NOS1: variants seen among roughly 807,000 people sequenced by gnomAD.
NOS1 encodes NOS type I.
A neutral mutation model predicts 164.5 loss-of-function variants in NOS1; 51 were observed. The ratio of observed to expected loss-of-function variants is 0.31; its 90% CI spans 0.25 to 0.39. The LOEUF (loss-of-function observed/expected upper bound fraction) is 0.39, where lower values mean the gene tolerates loss of function less well. Ranked by LOEUF, NOS1 falls within the 10% of genes least tolerant of loss-of-function variation. NOS1 has a pLI of 1.00. For missense variants in NOS1, 1,362 were observed against 1,885.6 expected (o/e 0.72, Z 5.14); for synonymous variants, 719 against 745.8 (o/e 0.96, Z 0.59).
intron 1 of NOS1, among the ~76,000 whole-genome samples, chr12:117,351,289 T>C (rs1283223989): frequency 1.3e-5 from 2 of 152,134 alleles, no homozygotes; most frequent in South Asian, 4.1e-4. Flanking sequence ...CTTCTGAGTA[T>C]AGCTTCTACA....
In NOS1 at chr12:117,268,027, C is replaced by A. The variant is rs907212732; in HGVS notation, c.1941+16G>T. On this transcript the variant is annotated intron_variant, in intron 11 of 28. Transcript: ENST00000317775. ...CATTTGAAGCTTGACCCTGGTGGTG[C>A]GGGCCCTGGTGTTACCTGGAAGCTA... The A allele has an allele frequency of 2.5e-6, 4 of 1,569,104 alleles. No individual in the cohort carries two copies. Among genetic ancestry groups the A allele is most frequent in the Non-Finnish European group, 1.8e-6 (2 of 1,140,300 alleles).
At chr12:117,319,232 T>C (rs1484151029) in intron 2 of NOS1, among the ~76,000 whole-genome samples, 4 of 151,976 alleles carry the variant, frequency 2.6e-5, no homozygotes, top group Non-Finnish European at 1.5e-5. Context: ...TTAAAATTTT[T>C]TGTAGAGATG....
intron 28 of NOS1, among the ~76,000 whole-genome samples, chr12:117,217,414 C>T (rs1436950750): frequency 1.3e-5 from 2 of 152,052 alleles, no homozygotes; most frequent in Admixed American, 1.3e-4. Context: ...GTAGAAATGT[C>T]ACAACTCCGG....
In NOS1 at chr12:117,293,313, G is replaced by C. The variant is rs868689186; in HGVS notation, c.853-2887C>G. Among the ~76,000 whole-genome samples, 3 of 152,282 alleles carry C rather than the reference G, an allele frequency of 2.0e-5. No homozygotes were observed. The South Asian group carries it at 6.2e-4, about 32-fold the overall frequency. ...CCCTCGCCAGATCTGGTCCTCCTCAGTGCCGGGCGCTACCAACCATCTGTG... is the reference window on the plus strand; with the variant it reads ...CCCTCGCCAGATCTGGTCCTCCTCACTGCCGGGCGCTACCAACCATCTGTG... On this transcript the variant is annotated intron_variant, in intron 3 of 28. Transcript: ENST00000317775.
At position 117,359,930 on chromosome 12, in the gene NOS1, A is replaced by C. The variant is rs1200094670; in HGVS notation, c.-421+1582T>G. Among the ~76,000 whole-genome samples the C allele has an allele frequency of 7.8e-5, 7 of 90,182 alleles. 2 individuals carry two copies. Among genetic ancestry groups the C allele is most frequent in the African/African-American group, 2.3e-4 (5 of 21,950 alleles). 59.2% of individuals were successfully genotyped at this position (90,182 alleles called of 152,430 possible). On this transcript the variant is annotated intron_variant, in intron 1 of 28. Transcript: ENST00000317775. ...TATATATATATATATATATATATAT[A>C]TATATCAGCAACACTTCCTGCGTTA... is the stretch of plus-strand genomic sequence containing the variant.
At chr12:117,236,620 T>G (rs1055580888) in intron 20 of NOS1, among the ~76,000 whole-genome samples, 2 of 151,882 alleles carry the variant, frequency 1.3e-5, no homozygotes, top group African/African-American at 4.8e-5. Flanking sequence ...AGACAACACC[T>G]CCAGAGAGCT....
intron 18 of NOS1, chr12:117,245,666 C>T (rs1870561209): frequency 6.6e-6 from 1 of 152,274 alleles, no homozygotes; most frequent in South Asian, 2.1e-4. Flanking sequence ...ACCTGTAATC[C>T]CAGCACTTTG....
At chr12:117,322,717 C>A in intron 2 of NOS1, among the ~76,000 whole-genome samples, 1 of 139,820 alleles carries the variant, frequency 7.2e-6, no homozygotes, top group Non-Finnish European at 1.6e-5. Flanking sequence ...TTCCTTTCAT[C>A]TCTCCTTCCC....
At chr12:117,359,876 T>TTTTTTA (rs1566090779) in intron 1 of NOS1, among the ~76,000 whole-genome samples, 1 of 36,952 alleles carries the variant, frequency 2.7e-5, no homozygotes, top group African/African-American at 8.6e-5. Flanking sequence ...AATAATGGTT[T>TTTTTTA]TATATATATA....
At chr12:117,315,823 T>G (rs1874644057) in intron 2 of NOS1, among the ~76,000 whole-genome samples, 1 of 152,214 alleles carries the variant, frequency 6.6e-6, no homozygotes, top group African/African-American at 2.4e-5. Context: ...CTGCAATGAT[T>G]AAGGGAGGTA....
intron 20 of NOS1, among the ~76,000 whole-genome samples, chr12:117,238,922 T>C (rs184652912): frequency 6.6e-6 from 1 of 152,328 alleles, no homozygotes; most frequent in African/African-American, 2.4e-5. Context: ...CGGAAAATGA[T>C]GTTTTTAGAC....
At chr12:117,357,166 T>C (rs1876893252) in intron 1 of NOS1, among the ~76,000 whole-genome samples, 1 of 152,026 alleles carries the variant, frequency 6.6e-6, no homozygotes, top group African/African-American at 2.4e-5. Flanking sequence ...CTACAAAAAA[T>C]ACAAAAATTA....
intron 2 of NOS1, among the ~76,000 whole-genome samples, chr12:117,329,628 C>G (rs1217450726): frequency 1.3e-5 from 2 of 152,140 alleles, no homozygotes; most frequent in Non-Finnish European, 1.5e-5. Context: ...ATAGAAGGAG[C>G]TAGCATCACC....
chr12:117,294,721 C>G (rs1488430031), intron 3 of NOS1, among the ~76,000 whole-genome samples: 2 of 152,156 alleles, frequency 1.3e-5, no homozygotes, highest in Non-Finnish European at 2.9e-5. Flanking sequence ...GCACAGGGCA[C>G]AAGTGGGCTT....
intron 2 of NOS1, among the ~76,000 whole-genome samples, chr12:117,328,784 T>C (rs1368323246): frequency 1.3e-5 from 2 of 152,250 alleles, no homozygotes; most frequent in Admixed American, 1.3e-4. Context: ...CAGACGGTCA[T>C]GCATCGCTTA....
chr12:117,213,924 G>T lies in NOS1; in HGVS notation c.*1385C>A. Reference sequence around the variant, plus strand: ...TGCCTCTTAGGGAGGAATTACACCGGCTCCAATTCCTACCGAAGACTTGGC... The same window carrying T: ...TGCCTCTTAGGGAGGAATTACACCGTCTCCAATTCCTACCGAAGACTTGGC... On this transcript the variant is annotated 3_prime_UTR_variant, in exon 29 of 29. Transcript: ENST00000317775. 2.0e-6 allele frequency: 2 copies of T among 985,402 alleles called. No individual in the cohort carries two copies. The highest frequency in any genetic ancestry group is 2.4e-6 in the Non-Finnish European group (2 of 829,920). The allele number at this position is 985,402 out of a possible 1,614,324, so 61.0% of individuals were successfully genotyped here. A position where few individuals can be genotyped will look rare whatever the true frequency, so the allele number is the denominator to read the frequency against.
At chr12:117,332,253 G>A (rs562351866) in intron 1 of NOS1, among the ~76,000 whole-genome samples, 5 of 152,236 alleles carry the variant, frequency 3.3e-5, no homozygotes, top group Admixed American at 2.6e-4. Flanking sequence ...TTTTGAGCAC[G>A]TTCGCTCTTA....
Position 117,268,128 on chromosome 12 carries a change from A to G in NOS1, c.1856T>C (p.Met619Thr). ...GGACGTCTTCCTCATGTCTAAGTTC[A>G]TCTTCTTGGCCACTTCCTGAAAGAG... ...YNILEEVAKK[M>T]NLDMRKTSSL... The change falls in exon 11 of 29, where the codon ATG becomes ACG. Residue 619 changes from methionine (M) to threonine (T), a missense_variant. By Grantham distance (81) the Met-to-Thr change is moderately conservative. This residue lies in a region of NOS1 where 134 missense variants were observed against 267.3 expected (regional missense o/e 0.50). Coordinates refer to ENST00000317775, the MANE Select transcript of NOS1 (RefSeq NM_000620.5). The G allele has an allele frequency of 1.2e-6, 2 of 1,613,666 alleles. No individual in the cohort carries two copies. Among genetic ancestry groups the G allele is most frequent in the Non-Finnish European group, 1.7e-6 (2 of 1,179,560 alleles).
intron 2 of NOS1, among the ~76,000 whole-genome samples, chr12:117,319,684 A>G (rs911421824): frequency 3.3e-5 from 5 of 152,200 alleles, no homozygotes; most frequent in African/African-American, 9.6e-5. Flanking sequence ...TCACATTTCT[A>G]GAAAACTGCA....
Sources: gnomAD v4.1 joint callset for allele counts (sites outside exome capture counted in the v4.1 genomes callset) on GRCh38, gnomAD v4.1.1 for gene constraint, gnomAD v4.1.1 regional missense constraint, MANE v1.5 for transcripts, NCBI Gene and HGNC (gene_info 2026-07-23, HGNC 2026-07-21) for gene names.